Variants in FAAH2 observed in about 807,000 individuals in gnomAD.
FAAH2 encodes fatty acid amide hydrolase 2, also known as fatty-acid amide hydrolase 2.
Under a neutral mutation model 36.9 loss-of-function variants are expected in FAAH2, and 60 were observed. The ratio of observed to expected loss-of-function variants is 1.63; its 90% confidence interval spans 1.32 to 2.02. The LOEUF is 2.02. FAAH2 is among the 30% of genes most tolerant of loss of function. The pLI, the probability that FAAH2 is intolerant of heterozygous loss-of-function variation, is 0.00. For synonymous variants in FAAH2, 214 were observed against 143.8 expected, an observed-to-expected ratio of 1.49 and a Z score of -3.49; for missense variants, 689 against 397.5, an observed-to-expected ratio of 1.73 and a Z score of -6.23.
chrX:57,160,999 T>A, the FAAH2 span, among the ~76,000 whole-genome samples: 8 of 112,217 alleles, frequency 7.1e-5, no homozygotes, highest in Non-Finnish European at 1.3e-4. Flanking sequence ...GGGCATTTAG[T>A]GCTATAAATT....
At chrX:57,321,260 T>C (rs1298476639) in intron 3 of FAAH2, among the ~76,000 whole-genome samples, 1 of 107,401 alleles carries the variant, frequency 9.3e-6, no homozygotes, top group Non-Finnish European at 1.9e-5. Flanking sequence ...CACTCAGGAG[T>C]GGGAGTTGAG....
At chrX:57,271,751 C>A in the FAAH2 span, among the ~76,000 whole-genome samples, 2 of 110,406 alleles carry the variant, frequency 1.8e-5, no homozygotes, top group Non-Finnish European at 3.8e-5. Flanking sequence ...AGTTCACCAA[C>A]ATCAAAGACC....
chrX:57,135,940 C>T, the FAAH2 span: 3 of 1,210,156 alleles, frequency 2.5e-6, no homozygotes, highest in South Asian at 5.3e-5. Context: ...TTGGAGCCAT[C>T]TTCTTTGGTA....
At chrX:57,163,518 G>A in the FAAH2 span, among the ~76,000 whole-genome samples, 2 of 111,735 alleles carry the variant, frequency 1.8e-5, no homozygotes, top group Admixed American at 9.4e-5. Context: ...GGGAGACTCC[G>A]TGGGCGTAGG....
the FAAH2 span, among the ~76,000 whole-genome samples, chrX:57,277,448 C>T: frequency 2.7e-5 from 3 of 111,717 alleles, no homozygotes; most frequent in South Asian, 1.1e-3. Context: ...CTATTTATGA[C>T]AAACCCACAG....
At chrX:57,229,324 A>G in the FAAH2 span, 1 of 111,508 alleles carries the variant, frequency 9.0e-6, no homozygotes, top group Non-Finnish European at 1.9e-5. Flanking sequence ...GGTCATCACA[A>G]TGGACGGCAT....
At chrX:57,304,185 C>T (rs986954511) in intron 2 of FAAH2, among the ~76,000 whole-genome samples, 6 of 111,536 alleles carry the variant, frequency 5.4e-5, no homozygotes, top group Admixed American at 9.6e-5. Flanking sequence ...CCAGCCTGGC[C>T]GACAGAGAGA....
intron 5 of FAAH2, among the ~76,000 whole-genome samples, chrX:57,353,411 T>C (rs906161607): frequency 9.6e-6 from 1 of 104,054 alleles, no homozygotes; most frequent in African/African-American, 3.5e-5. Context: ...AGAATGAAAC[T>C]AGACTACTTT....
At chrX:57,148,079 C>T in the FAAH2 span, among the ~76,000 whole-genome samples, 25 of 111,077 alleles carry the variant, frequency 2.3e-4, no homozygotes, top group Non-Finnish European at 3.8e-4. Flanking sequence ...TGTAGATATG[C>T]GGCATTATTT....
the FAAH2 span, among the ~76,000 whole-genome samples, chrX:57,191,720 G>A: frequency 8.9e-6 from 1 of 111,975 alleles, no homozygotes; most frequent in Non-Finnish European, 1.9e-5. Flanking sequence ...CATTTTCCCA[G>A]CACAATTTAT....
At position 57,350,157 on chromosome X, in the gene FAAH2, A is replaced by G. The variant is rs148387854; in HGVS notation, c.742+8767A>G. On this transcript the variant is annotated intron_variant, in intron 5 of 10. Transcript: ENST00000374900. The stretch of plus-strand genomic sequence containing the variant: ...CTGACGGTGAATACTATATTCAGCA[A>G]TACTTGCCTTCATAAATGAAGTATA... 4.7e-3 allele frequency among the ~76,000 whole-genome samples: 519 copies of G among 111,488 alleles called. 3 individuals are homozygous for G. The highest frequency in any genetic ancestry group is 0.016 in the African/African-American group (492 of 30,814).
At chrX:57,123,888 A>G in the FAAH2 span, among the ~76,000 whole-genome samples, 1 of 111,902 alleles carries the variant, frequency 8.9e-6, no homozygotes, top group African/African-American at 3.3e-5. Context: ...AGTTCATTGT[A>G]GATTCTGGAT....
intron 4 of FAAH2, among the ~76,000 whole-genome samples, chrX:57,340,562 T>C (rs1048233053): frequency 8.9e-6 from 1 of 111,817 alleles, no homozygotes; most frequent in Non-Finnish European, 1.9e-5. Flanking sequence ...CAATGATAGA[T>C]TGAATAAATA....
At chrX:57,248,707 C>T in the FAAH2 span, among the ~76,000 whole-genome samples, 1 of 88,806 alleles carries the variant, frequency 1.1e-5, no homozygotes, top group Non-Finnish European at 2.1e-5. Flanking sequence ...GAGCCAAGAT[C>T]ACGCCATTGC....
chrX:57,217,062 A>G, the FAAH2 span, among the ~76,000 whole-genome samples: 1 of 111,044 alleles, frequency 9.0e-6, no homozygotes, highest in South Asian at 3.8e-4. Context: ...TTTGTTGGCC[A>G]TTTGTATATC....
At chrX:57,369,470 G>A (rs1394310451) in intron 5 of FAAH2, among the ~76,000 whole-genome samples, 2 of 111,557 alleles carry the variant, frequency 1.8e-5, no homozygotes, top group Middle Eastern at 4.6e-3. Flanking sequence ...AGAAACATCA[G>A]AAAATTGTCA....
Position 57,361,931 on chromosome X carries a change from GT to G in FAAH2, c.743-16712del, listed in dbSNP as rs761788680. Among the ~76,000 whole-genome samples the G allele has an allele frequency of 1.9e-4, 21 of 110,818 alleles. No individual in the cohort carries two copies. The East Asian group carries it at 4.5e-3, about 24-fold the overall frequency. On this transcript the variant is annotated intron_variant, in intron 5 of 10. Coordinates refer to ENST00000374900, the MANE Select transcript of FAAH2 (RefSeq NM_174912.4). ...GTAGGCACAATAGTCTAAGTTCAAA[GT>G]TTTTTTTCCTTCATTATTTTGAAGA...
At chrX:57,453,270 T>C in intron 10 of FAAH2, among the ~76,000 whole-genome samples, 1 of 112,526 alleles carries the variant, frequency 8.9e-6, no homozygotes, top group Non-Finnish European at 1.9e-5. Context: ...CAAGAGTTGA[T>C]AAAATATATT....
chrX:57,202,332 T>A, the FAAH2 span, among the ~76,000 whole-genome samples: 1 of 112,175 alleles, frequency 8.9e-6, no homozygotes, highest in East Asian at 2.8e-4. Flanking sequence ...AATATAATCT[T>A]TATCTGCTTT....
Sources: gnomAD v4.1 joint callset for allele counts (sites outside exome capture counted in the v4.1 genomes callset) on GRCh38, gnomAD v4.1.1 for gene constraint, MANE v1.5 for transcripts, NCBI Gene and HGNC (gene_info 2026-07-23, HGNC 2026-07-21) for gene names.